LRRTM4: variants seen among roughly 807,000 people sequenced by gnomAD.
LRRTM4 encodes leucine rich repeat transmembrane neuronal 4.
In LRRTM4, 25 loss-of-function variants were observed where a neutral mutation model predicts 47.6. The observed-to-expected ratio is 0.53, with a 90% CI of 0.38 to 0.73. LRRTM4 has a LOEUF of 0.73. LRRTM4 is among the 30% of genes least tolerant of loss of function. The pLI, the probability that LRRTM4 is intolerant of heterozygous loss-of-function variation, is 0.00. For synonymous variants in LRRTM4, 311 were observed against 269.5 expected, an observed-to-expected ratio of 1.15 and a Z score of -1.51; for missense variants, 638 against 713.4, an observed-to-expected ratio of 0.89 and a Z score of 1.20.
intron 3 of LRRTM4, among the ~76,000 whole-genome samples, chr2:76,800,298 G>A (rs374612619): frequency 1.5e-4 from 23 of 148,866 alleles, no homozygotes; most frequent in Middle Eastern, 3.4e-3. Flanking sequence ...AAATAGTGCC[G>A]CATATCTACA....
At chr2:77,127,261 T>C (rs979114905) in intron 3 of LRRTM4, among the ~76,000 whole-genome samples, 1 of 152,230 alleles carries the variant, frequency 6.6e-6, no homozygotes, top group African/African-American at 2.4e-5. Context: ...GTAGCTTTTC[T>C]CACATACTTT....
At chr2:76,978,040 T>C (rs1676476797) in intron 3 of LRRTM4, among the ~76,000 whole-genome samples, 1 of 152,162 alleles carries the variant, frequency 6.6e-6, no homozygotes, top group Admixed American at 6.6e-5. Flanking sequence ...GTCAAACCCA[T>C]GGCTAAGGAG....
At chr2:77,440,987 A>T (rs1046008714) in intron 3 of LRRTM4, among the ~76,000 whole-genome samples, 1 of 152,258 alleles carries the variant, frequency 6.6e-6, no homozygotes, top group Non-Finnish European at 1.5e-5. Flanking sequence ...AGCTATTTAC[A>T]TTATTTATTC....
chr2:77,262,424 A>C (rs1216986197), intron 3 of LRRTM4, among the ~76,000 whole-genome samples: 1 of 151,978 alleles, frequency 6.6e-6, no homozygotes, highest in Non-Finnish European at 1.5e-5. Flanking sequence ...AGTATGGTAC[A>C]TTTGTTATAA....
At chr2:77,313,069 G>T (rs935355369) in intron 3 of LRRTM4, among the ~76,000 whole-genome samples, 37 of 152,140 alleles carry the variant, frequency 2.4e-4, no homozygotes, top group African/African-American at 8.2e-4. Flanking sequence ...TAGATTTTGA[G>T]AAAGTTAAAA....
chr2:77,481,762 G>A (rs1677711908), intron 3 of LRRTM4, among the ~76,000 whole-genome samples: 1 of 152,040 alleles, frequency 6.6e-6, no homozygotes. Flanking sequence ...ACATAAAATA[G>A]AAAGTCCTTT....
chr2:77,453,248 C>G (rs1676335896), intron 3 of LRRTM4, among the ~76,000 whole-genome samples: 1 of 133,366 alleles, frequency 7.5e-6, no homozygotes, highest in Non-Finnish European at 1.5e-5. Context: ...GTGGAGCGAT[C>G]TCTGTTCACT....
intron 3 of LRRTM4, among the ~76,000 whole-genome samples, chr2:77,029,957 T>C (rs1263148676): frequency 3.3e-5 from 5 of 152,108 alleles, no homozygotes; most frequent in African/African-American, 7.2e-5. Flanking sequence ...AAACAAATAA[T>C]TCAAGAGCTA....
chr2:76,786,770 T>A (rs540050519), intron 3 of LRRTM4, among the ~76,000 whole-genome samples: 1 of 152,222 alleles, frequency 6.6e-6, no homozygotes, highest in South Asian at 2.1e-4. Context: ...AAAAAATGCA[T>A]CATTTTCTTG....
chr2:76,871,126 T>C (rs1672611204), intron 3 of LRRTM4, among the ~76,000 whole-genome samples: 2 of 152,210 alleles, frequency 1.3e-5, no homozygotes, highest in African/African-American at 4.8e-5. Context: ...TAATATGGCA[T>C]ATTCTTTACC....
intron 3 of LRRTM4, among the ~76,000 whole-genome samples, chr2:76,916,852 T>TTCCAGCTAATTTAAG (rs1320584605): frequency 1.3e-5 from 2 of 152,214 alleles, no homozygotes; most frequent in Non-Finnish European, 2.9e-5. Flanking sequence ...ATCTAGTTAT[T>TTCCAGCTAATTTAAG]TCCAGCTAAT....
At chr2:77,115,069 C>G (rs1671350718) in intron 3 of LRRTM4, among the ~76,000 whole-genome samples, 1 of 152,094 alleles carries the variant, frequency 6.6e-6, no homozygotes, top group Admixed American at 6.6e-5. Context: ...CTGCATAAGA[C>G]AGACACTCCC....
At chr2:76,905,890 A>T (rs978075070) in intron 3 of LRRTM4, among the ~76,000 whole-genome samples, 1 of 152,154 alleles carries the variant, frequency 6.6e-6, no homozygotes, top group Non-Finnish European at 1.5e-5. Flanking sequence ...TGAAAGTGAC[A>T]GGGAGAATGG....
chr2:77,321,097 C>T (rs1677775540), intron 3 of LRRTM4, among the ~76,000 whole-genome samples: 1 of 152,008 alleles, frequency 6.6e-6, no homozygotes, highest in African/African-American at 2.4e-5. Flanking sequence ...AAAGAATATT[C>T]AAGTAAACTC....
Position 77,214,777 on chromosome 2 carries a change from AT to A in LRRTM4, c.1551+303540del, listed in dbSNP as rs1164326464. ...TCTGTTAACTCGTCTCTGAAAAAAA[AT>A]ATTTATTTATAATTCTAATGGAATA... On this transcript the variant is annotated intron_variant, in intron 3 of 3. Transcript: ENST00000409884. 2.2e-4 allele frequency among the ~76,000 whole-genome samples: 33 copies of A among 152,182 alleles called. No homozygotes were observed. The East Asian group carries it at 2.3e-3, about 11-fold the overall frequency.
chr2:77,079,111 G>A (rs1326020363), intron 3 of LRRTM4, among the ~76,000 whole-genome samples: 3 of 152,104 alleles, frequency 2.0e-5, no homozygotes, highest in Admixed American at 6.6e-5. Flanking sequence ...GAATTTTGGG[G>A]GATACAAATA....
intron 3 of LRRTM4, among the ~76,000 whole-genome samples, chr2:77,170,219 G>C: frequency 6.6e-6 from 1 of 152,106 alleles, no homozygotes; most frequent in East Asian, 1.9e-4. Context: ...GGAAGAGGAA[G>C]GCAGAAGAGT....
chr2:77,017,823 A>G (rs1678122055), intron 3 of LRRTM4, among the ~76,000 whole-genome samples: 1 of 152,210 alleles, frequency 6.6e-6, no homozygotes, highest in Admixed American at 6.5e-5. Flanking sequence ...AAATTTCTAG[A>G]CAATGAGAAC....
intron 3 of LRRTM4, among the ~76,000 whole-genome samples, chr2:77,383,470 T>C (rs183534253): frequency 5.9e-5 from 9 of 152,050 alleles, no homozygotes; most frequent in Non-Finnish European, 1.0e-4. Flanking sequence ...ATCACACCTC[T>C]GCATCTATTT....
Sources: gnomAD v4.1 joint callset for allele counts (sites outside exome capture counted in the v4.1 genomes callset) on GRCh38, gnomAD v4.1.1 for gene constraint, MANE v1.5 for transcripts, NCBI Gene and HGNC (gene_info 2026-07-23, HGNC 2026-07-21) for gene names.